The following GAS7 variants were observed in gnomAD, a reference collection of about 807,000 sequenced individuals.
GAS7 encodes the protein growth arrest-specific protein 7.
In GAS7, 28 loss-of-function variants were observed where a neutral mutation model predicts 71.1. That is an observed-to-expected ratio of 0.39 (90% CI 0.29 to 0.54). The LOEUF is 0.54. Ranked by LOEUF, GAS7 falls within the 20% of genes least tolerant of loss-of-function variation. The probability of loss-of-function intolerance (pLI) is 0.62; values close to 1 mark genes in which losing one functional copy is unlikely to be tolerated. For missense variants in GAS7, 436 were observed against 627.8 expected, an observed-to-expected ratio of 0.69 and a Z score of 3.27; for synonymous variants, 258 against 245.8, an observed-to-expected ratio of 1.05 and a Z score of -0.46.
intron 1 of GAS7, among the ~76,000 whole-genome samples, chr17:10,092,263 C>T (rs73974417): frequency 0.017 from 2,543 of 152,274 alleles, 73 homozygotes; most frequent in African/African-American, 0.055. Flanking sequence ...CCCTGCCAAC[C>T]GCATCTAAAA....
intron 1 of GAS7, among the ~76,000 whole-genome samples, chr17:10,184,768 G>A (rs2074439641): frequency 6.6e-6 from 1 of 152,142 alleles, no homozygotes; most frequent in Non-Finnish European, 1.5e-5. Flanking sequence ...TGCTAATAAG[G>A]TGACTTAGGG....
At chr17:10,072,182 T>C (rs1290722652) in intron 1 of GAS7, among the ~76,000 whole-genome samples, 1 of 152,052 alleles carries the variant, frequency 6.6e-6, no homozygotes, top group African/African-American at 2.4e-5. Context: ...AGGGGGCTGA[T>C]CTGAAGTCAT....
intron 1 of GAS7, among the ~76,000 whole-genome samples, chr17:10,043,879 G>A (rs2072908500): frequency 6.6e-6 from 1 of 152,222 alleles, no homozygotes; most frequent in African/African-American, 2.4e-5. Context: ...GCTGTAGTGA[G>A]CCAAGATTGC....
At chr17:10,181,253 G>A (rs1036301312) in intron 1 of GAS7, among the ~76,000 whole-genome samples, 2 of 151,912 alleles carry the variant, frequency 1.3e-5, no homozygotes, top group South Asian at 2.1e-4. Context: ...CCAGCTACTC[G>A]GGAGGCTGAG....
intron 2 of GAS7, among the ~76,000 whole-genome samples, chr17:10,011,094 T>C (rs962292626): frequency 6.6e-6 from 1 of 152,248 alleles, no homozygotes; most frequent in African/African-American, 2.4e-5. Flanking sequence ...CCCACTTTTA[T>C]GAAAGATCAA....
intron 1 of GAS7, among the ~76,000 whole-genome samples, chr17:10,072,662 T>A (rs1036322753): frequency 2.0e-5 from 3 of 152,124 alleles, no homozygotes; most frequent in South Asian, 2.1e-4. Context: ...GATAGAAGCA[T>A]CTATCTGTCC....
chr17:9,912,859 C>T lies in GAS7; in HGVS notation c.*4369G>A. ...AAAGAAGCAGAGTAGTACGCCCATG[C>T]AATGAAATACTTCCCGGCAAGGAGA... On this transcript the variant is annotated 3_prime_UTR_variant, in exon 14 of 14. Coordinates refer to ENST00000432992, the MANE Select transcript of GAS7 (RefSeq NM_201433.2). 1 of 232,762 alleles carries T rather than the reference C, an allele frequency of 4.3e-6. No individual in the cohort carries two copies. The highest frequency in any genetic ancestry group is 8.5e-6 in the Non-Finnish European group (1 of 117,770). 14.4% of individuals were successfully genotyped at this position (232,762 alleles called of 1,614,324 possible). A position where few individuals can be genotyped will look rare whatever the true frequency, so the allele number is the denominator to read the frequency against.
chr17:10,111,321 A>C (rs55748097), intron 1 of GAS7, among the ~76,000 whole-genome samples: 150,715 of 150,742 alleles, frequency 1, 75,344 homozygotes, highest in Middle Eastern at 1. Flanking sequence ...GATGATGGGT[A>C]AGGAGATTGA....
In GAS7 at chr17:9,925,522, C is replaced by T; in HGVS notation, c.1092G>A (p.Lys364=). Residue 364 remains lysine, a synonymous_variant, in exon 11 of 14, where the codon AAG becomes AAA. Transcript: ENST00000432992. ...GCGCCTTCTTGATGTCCTCCTCTGT[C>T]TTGTTGCTCAGCTTGATCTCCAGCT... ...TQQLEIKLSN[K]TEEDIKKARR... 1 of 1,614,180 alleles carries T rather than the reference C, an allele frequency of 6.2e-7. No homozygotes were observed. Among genetic ancestry groups the T allele is most frequent in the African/African-American group, 1.3e-5 (1 of 75,060 alleles).
chr17:10,103,588 G>T lies in GAS7; in HGVS notation c.184-83691C>A, dbSNP rs147577112. 5.5e-3 allele frequency among the ~76,000 whole-genome samples: 833 copies of T among 152,230 alleles called. 4 individuals are homozygous for T. Among genetic ancestry groups the T allele is most frequent in the East Asian group, 0.021 (108 of 5,172 alleles). On this transcript the variant is annotated intron_variant, in intron 1 of 13. Coordinates refer to ENST00000432992, the MANE Select transcript of GAS7 (RefSeq NM_201433.2). This position sits in a 1 kb window ranked among gnomAD's most constrained non-coding sequence, Gnocchi z 5.5. ...CACCTGTAATCCCAGCACTTTGGGA[G>T]GCCGAGGTGGGCGGATCACCTGAGG...
intron 4 of GAS7, among the ~76,000 whole-genome samples, chr17:9,964,156 C>T (rs1165150620): frequency 6.6e-6 from 1 of 152,090 alleles, no homozygotes; most frequent in African/African-American, 2.4e-5. Flanking sequence ...TAAAGGCCTG[C>T]CCAGGGGTCA....
chr17:10,075,832 T>C (rs941736541), intron 1 of GAS7, among the ~76,000 whole-genome samples: 2 of 148,876 alleles, frequency 1.3e-5, no homozygotes, highest in Non-Finnish European at 1.5e-5. Flanking sequence ...GGAGCAGTGG[T>C]TCCTTCCTGT....
At position 10,019,761 on chromosome 17, in the gene GAS7, C is replaced by T; in HGVS notation, c.304+16G>A. The T allele has an allele frequency of 1.9e-6, 3 of 1,609,256 alleles. No individual in the cohort carries two copies. The highest frequency in any genetic ancestry group is 8.5e-7 in the Non-Finnish European group (1 of 1,177,062). The stretch of plus-strand genomic sequence containing the variant: ...CCAGGGGGTTGGTGCAGGATTCTCC[C>T]CCGAGCGGGACTCACCATTGGTGGT... On this transcript the variant is annotated intron_variant, in intron 2 of 13. Transcript: ENST00000432992.
At chr17:9,934,073 A>G in intron 9 of GAS7, 93 bp downstream of exon 9, 1 of 874,230 alleles carries the variant, frequency 1.1e-6, no homozygotes, top group Non-Finnish European at 2.0e-6. Flanking sequence ...ACCAGGGAAA[A>G]TGGCAAACGG....
chr17:10,130,630 A>G (rs368592148), intron 1 of GAS7, among the ~76,000 whole-genome samples: 1 of 152,388 alleles, frequency 6.6e-6, no homozygotes, highest in South Asian at 2.1e-4. Context: ...GCAAATAAAC[A>G]AAACGTGATC....
At chr17:9,995,655 C>A (rs1033032091) in intron 2 of GAS7, among the ~76,000 whole-genome samples, 1 of 152,108 alleles carries the variant, frequency 6.6e-6, no homozygotes, top group African/African-American at 2.4e-5. Flanking sequence ...TGACTGATAA[C>A]CCCTATCTAA....
At chr17:10,176,367 C>G (rs549755775) in intron 1 of GAS7, among the ~76,000 whole-genome samples, 2 of 152,146 alleles carry the variant, frequency 1.3e-5, no homozygotes, top group Non-Finnish European at 2.9e-5. Context: ...GAGACTCCCC[C>G]ACTCTCCTCC....
At chr17:9,931,644 G>C (rs1211394019) in intron 9 of GAS7, among the ~76,000 whole-genome samples, 1 of 152,238 alleles carries the variant, frequency 6.6e-6, no homozygotes, top group Non-Finnish European at 1.5e-5. Context: ...GCAGGAAAAA[G>C]ATCCATTCAC....
Position 9,914,758 on chromosome 17 carries a change from AGAG to A in GAS7, c.*2467_*2469del. The A allele has an allele frequency of 4.4e-6, 1 of 226,046 alleles. No homozygotes were observed. Among genetic ancestry groups the A allele is most frequent in the Non-Finnish European group, 8.8e-6 (1 of 113,586 alleles). The allele number at this position is 226,046 out of a possible 1,614,324, so 14.0% of individuals were successfully genotyped here. On this transcript the variant is annotated 3_prime_UTR_variant, in exon 14 of 14. Coordinates refer to ENST00000432992, the MANE Select transcript of GAS7 (RefSeq NM_201433.2). ...ACTCTTCTCAGTCGACATGGAGAAT[AGAG>A]GAGAGCAGAGGAATGCCCATCTTAC...
Sources: allele counts gnomAD v4.1 joint callset (sites outside exome capture counted in the v4.1 genomes callset), GRCh38; gene constraint gnomAD v4.1.1; non-coding constraint Gnocchi (gnomAD v3.1); transcripts MANE v1.5; gene names NCBI Gene and HGNC (gene_info 2026-07-23, HGNC 2026-07-21).